Variants in MDH2 observed in about 807,000 individuals in gnomAD.
The protein encoded by MDH2 is malate dehydrogenase 2, also known as malate dehydrogenase, mitochondrial.
In MDH2, 25 loss-of-function variants were observed where a neutral mutation model predicts 33.6. The observed-to-expected ratio is 0.74, with a 90% CI of 0.54 to 1.04. The LOEUF is 1.04. Ranked by LOEUF, MDH2 falls within the 50% of genes least tolerant of loss-of-function variation. The pLI is 0.00. For synonymous variants in MDH2, 193 were observed against 188.7 expected, an observed-to-expected ratio of 1.02 and a Z score of -0.19; for missense variants, 432 against 445.0, an observed-to-expected ratio of 0.97 and a Z score of 0.26.
At position 76,048,710 on chromosome 7, in the gene MDH2, A is replaced by G. The variant is rs368555899; in HGVS notation, c.66+484A>G. The G allele has an allele frequency of 4.0e-6, 5 of 1,237,460 alleles. No homozygotes were observed. In the South Asian group the frequency reaches 1.6e-4, roughly 38 times the overall value. The allele number at this position is 1,237,460 out of a possible 1,614,324, so 76.7% of individuals were successfully genotyped here. ...AGAGAACTGGGCCAGGGTTACAGTC[A>G]TTTGGCCAGAGGATTAGAATTCAGC... is the stretch of plus-strand genomic sequence containing the variant. On this transcript the variant is annotated intron_variant, in intron 1 of 8. Coordinates refer to ENST00000315758, the MANE Select transcript of MDH2 (RefSeq NM_005918.4).
At chr7:76,052,137 C>T (rs138055146) in intron 1 of MDH2, among the ~76,000 whole-genome samples, 4 of 152,214 alleles carry the variant, frequency 2.6e-5, no homozygotes, top group Non-Finnish European at 2.9e-5. Flanking sequence ...AGCACCCTAG[C>T]GAGGGCACAG....
At chr7:76,048,863 C>T (rs1797448204) in intron 1 of MDH2, 3 of 1,176,156 alleles carry the variant, frequency 2.6e-6, no homozygotes, top group Non-Finnish European at 3.1e-6. Context: ...AGCCTAGGAG[C>T]CTAGGCTATT....
At chr7:76,061,581 A>G (rs1350022881) in intron 5 of MDH2, among the ~76,000 whole-genome samples, 1 of 152,120 alleles carries the variant, frequency 6.6e-6, no homozygotes, top group Non-Finnish European at 1.5e-5. Context: ...TCAAGACTGC[A>G]ATGAGCTGTG....
At chr7:76,058,806 C>T (rs1797861960) in intron 4 of MDH2, among the ~76,000 whole-genome samples, 1 of 152,098 alleles carries the variant, frequency 6.6e-6, no homozygotes, top group Non-Finnish European at 1.5e-5. Context: ...GCATCATGAT[C>T]CCTCAACAGC....
intron 1 of MDH2, among the ~76,000 whole-genome samples, chr7:76,054,323 A>C (rs1797707881): frequency 6.6e-6 from 1 of 152,080 alleles, no homozygotes; most frequent in Non-Finnish European, 1.5e-5. Context: ...CTGATTCCCC[A>C]CCCCTGCAGG....
chr7:76,066,457 G>A lies in MDH2; in HGVS notation c.*47G>A. ...TTTCCTTAATTTATGAAGGCATCAT[G>A]TCACTGCAAAGCCGTTGCAGATAAA... On this transcript the variant is annotated 3_prime_UTR_variant, in exon 9 of 9. Transcript: ENST00000315758. The A allele has an allele frequency of 6.3e-7, 1 of 1,579,800 alleles. No homozygotes were observed. Among genetic ancestry groups the A allele is most frequent in the Non-Finnish European group, 8.6e-7 (1 of 1,162,446 alleles).
At chr7:76,048,482 G>T in intron 1 of MDH2, 3 of 1,271,790 alleles carry the variant, frequency 2.4e-6, no homozygotes, top group Non-Finnish European at 3.1e-6. Context: ...AGGTCTCCCA[G>T]ATTTCCCAGA....
At chr7:76,055,149 A>C in intron 2 of MDH2, 151 bp downstream of exon 2, 1 of 881,352 alleles carries the variant, frequency 1.1e-6, no homozygotes, top group Non-Finnish European at 1.6e-6. Flanking sequence ...ACACCCTTTT[A>C]GACTTGGCGT....
At chr7:76,056,201 T>G (rs1429868289) in intron 2 of MDH2, among the ~76,000 whole-genome samples, 1 of 152,238 alleles carries the variant, frequency 6.6e-6, no homozygotes, top group Non-Finnish European at 1.5e-5. Flanking sequence ...CCATTGGCTG[T>G]TTCCTGTTTG....
In MDH2 at chr7:76,066,480, A is replaced by G. The variant is rs1225845724; in HGVS notation, c.*70A>G. 8 of 1,521,324 alleles carry G rather than the reference A, an allele frequency of 5.3e-6. No homozygotes were observed. In the Admixed American group the frequency reaches 1.1e-4, roughly 20 times the overall value. The allele number at this position is 1,521,324 out of a possible 1,614,324, so 94.2% of individuals were successfully genotyped here. ...ATGTCACTGCAAAGCCGTTGCAGATAAACTTTGTATTTTAATTTGCTTTGG... is the reference window on the plus strand; with the variant it reads ...ATGTCACTGCAAAGCCGTTGCAGATGAACTTTGTATTTTAATTTGCTTTGG... On this transcript the variant is annotated 3_prime_UTR_variant, in exon 9 of 9. Coordinates refer to ENST00000315758, the MANE Select transcript of MDH2 (RefSeq NM_005918.4).
chr7:76,052,710 A>G (rs1554585659), intron 1 of MDH2, among the ~76,000 whole-genome samples: 1 of 150,064 alleles, frequency 6.7e-6, no homozygotes, highest in Non-Finnish European at 1.5e-5. Flanking sequence ...ATGTCTGGCT[A>G]ATTTTTTTTA....
At chr7:76,057,571 A>C in intron 3 of MDH2, 78 bp downstream of exon 3, 1 of 1,433,462 alleles carries the variant, frequency 7.0e-7, no homozygotes, top group Non-Finnish European at 9.7e-7. Flanking sequence ...TTAAAAATGG[A>C]TTTAATCTGG....
intron 1 of MDH2, among the ~76,000 whole-genome samples, chr7:76,050,872 G>C (rs1277963368): frequency 6.6e-6 from 1 of 152,086 alleles, no homozygotes; most frequent in Non-Finnish European, 1.5e-5. Context: ...CCAGGGAGAA[G>C]ATATCAGGAG....
intron 1 of MDH2, among the ~76,000 whole-genome samples, chr7:76,053,051 T>G (rs2116655559): frequency 1.3e-5 from 2 of 152,282 alleles, no homozygotes; most frequent in Middle Eastern, 3.4e-3. Flanking sequence ...TGGGAAAGCA[T>G]GCTTTGGAGG....
rs782225998 is a variant in MDH2, at chr7:76,048,228, T to G, written c.66+2T>G. ...CGCAGCTTCAGCACCTCGGCCCAGG[T>G]AGGCCAGACGAGGGGCGGCCTGCAG... is the stretch of plus-strand genomic sequence containing the variant. On this transcript the variant is annotated splice_donor_variant, in intron 1 of 8. Coordinates refer to ENST00000315758, the MANE Select transcript of MDH2 (RefSeq NM_005918.4). LOFTEE classifies it high-confidence loss of function. The G allele has an allele frequency of 2.0e-6, 3 of 1,534,440 alleles. No individual in the cohort carries two copies. The South Asian group carries it at 3.6e-5, about 18-fold the overall frequency.
At chr7:76,048,862 G>A (rs1028288573) in intron 1 of MDH2, 7 of 1,175,652 alleles carry the variant, frequency 6.0e-6, no homozygotes, top group Middle Eastern at 6.7e-4. Context: ...AAGCCTAGGA[G>A]CCTAGGCTAT....
intron 5 of MDH2, among the ~76,000 whole-genome samples, chr7:76,063,305 C>T (rs567437997): frequency 1.3e-5 from 2 of 152,354 alleles, no homozygotes; most frequent in East Asian, 1.9e-4. Flanking sequence ...CAAGCCCTCA[C>T]GGCACCTGCT....
At chr7:76,049,829 A>G (rs1441438798) in intron 1 of MDH2, among the ~76,000 whole-genome samples, 2 of 152,102 alleles carry the variant, frequency 1.3e-5, no homozygotes, top group Non-Finnish European at 2.9e-5. Context: ...GGAAGAGGGT[A>G]CCAATTTTAT....
intron 1 of MDH2, 179 bp downstream of exon 1, chr7:76,048,405 A>G: frequency 1.7e-6 from 2 of 1,159,262 alleles, no homozygotes; most frequent in South Asian, 1.7e-5. Context: ...GGTGCGGGGG[A>G]GAAAGCCGGG....
Sources: gnomAD v4.1 joint callset for allele counts (sites outside exome capture counted in the v4.1 genomes callset) on GRCh38, gnomAD v4.1.1 for gene constraint, MANE v1.5 for transcripts, NCBI Gene and HGNC (gene_info 2026-07-23, HGNC 2026-07-21) for gene names.